Variants in SCUBE3 observed in about 807,000 individuals in gnomAD.
SCUBE3 encodes signal peptide, CUB and EGF-like domain-containing protein 3.
A neutral mutation model predicts 116.8 loss-of-function variants in SCUBE3; 33 were observed. The observed-to-expected ratio is 0.28, with a 90% confidence interval of 0.21 to 0.38. The LOEUF (loss-of-function observed/expected upper bound fraction) is 0.38, where lower values mean the gene tolerates loss of function less well. SCUBE3 is among the 10% of genes least tolerant of loss of function. The pLI is 1.00. For synonymous variants in SCUBE3, 418 were observed against 496.9 expected (o/e 0.84, Z 2.11); for missense variants, 1,007 against 1,324.8 (o/e 0.76, Z 3.72).
In SCUBE3 at chr6:35,248,567, C is replaced by T; in HGVS notation, c.2844C>T (p.Leu948=). The T allele has an allele frequency of 1.2e-6, 2 of 1,614,066 alleles. No homozygotes were observed. Among genetic ancestry groups the T allele is most frequent in the Non-Finnish European group, 1.7e-6 (2 of 1,179,980 alleles). ...NHQEILKDKK[L]IKAFFEVLAH... is the part of the protein sequence containing the mutation. ...GCCATCCTTTGCAGGACAAGAAGCT[C>T]ATCAAGGCCTTCTTTGAGGTGCTAG... The change falls in exon 22 of 22, where the codon CTC becomes CTT. Residue 948 remains leucine (L), a synonymous_variant. Coordinates refer to ENST00000274938, the MANE Select transcript of SCUBE3 (RefSeq NM_152753.4).
At position 35,242,247 on chromosome 6, in the gene SCUBE3, C is replaced by A. The variant is rs924462301; in HGVS notation, c.1461C>A (p.Ile487=). ...LSIKQRASFK[I]KDAKCRLHLR... is the part of the protein sequence containing the mutation. Reference sequence around the variant, plus strand: ...TTAAACAACGGGCCTCCTTCAAGATCAAGGATGCCAAATGCCGTTTGCACC... The same window carrying A: ...TTAAACAACGGGCCTCCTTCAAGATAAAGGATGCCAAATGCCGTTTGCACC... Residue 487 remains isoleucine, a synonymous_variant, in exon 13 of 22, where the codon ATC becomes ATA. Coordinates refer to ENST00000274938, the MANE Select transcript of SCUBE3 (RefSeq NM_152753.4). 2 of 1,613,974 alleles carry A rather than the reference C, an allele frequency of 1.2e-6. No homozygotes were observed. Among genetic ancestry groups the A allele is most frequent in the Non-Finnish European group, 8.5e-7 (1 of 1,179,842 alleles).
rs898978960 is a variant in SCUBE3 at position 35,240,935 on chromosome 6, G to A, written c.1070-206G>A. ...TAAATTGTAAGAATATTTAACAAGAGATCTACCCTCTTAAGTTTTTAAGTG... is the reference window on the plus strand; with the variant it reads ...TAAATTGTAAGAATATTTAACAAGAAATCTACCCTCTTAAGTTTTTAAGTG... On this transcript the variant is annotated intron_variant, in intron 9 of 21. Transcript: ENST00000274938. This position sits in a 1 kb window ranked among gnomAD's most constrained non-coding sequence, Gnocchi z 4.6. 6.6e-5 allele frequency among the ~76,000 whole-genome samples: 10 copies of A among 152,180 alleles called. No individual in the cohort carries two copies. The highest frequency in any genetic ancestry group is 1.3e-4 in the Non-Finnish European group (9 of 68,032).
rs1365442194 is a variant in SCUBE3 at position 35,245,685 on chromosome 6, A to T, written c.2600-259A>T. Among the ~76,000 whole-genome samples, 2 of 152,154 alleles carry T rather than the reference A, an allele frequency of 1.3e-5. No individual in the cohort carries two copies. Among genetic ancestry groups the T allele is most frequent in the African/African-American group, 4.8e-5 (2 of 41,416 alleles). On this transcript the variant is annotated intron_variant, in intron 19 of 21. Transcript: ENST00000274938. The surrounding 1 kb of genome is among the most constrained non-coding windows in gnomAD (Gnocchi z 4.2). ...GTTACATGTATCACTTTCCTATCCTAGCATTTTTGCCATTCCATTCATTTA... is the reference window on the plus strand; with the variant it reads ...GTTACATGTATCACTTTCCTATCCTTGCATTTTTGCCATTCCATTCATTTA...
intron 2 of SCUBE3, 50 bp downstream of exon 2, chr6:35,227,752 A>C: frequency 6.3e-7 from 1 of 1,599,808 alleles, no homozygotes; most frequent in Non-Finnish European, 8.6e-7. Context: ...AAGAAGGCAA[A>C]CCAGTGCCAC....
In SCUBE3 at chr6:35,232,914, G is replaced by C. The variant is rs779671718; in HGVS notation, c.534G>C (p.Gly178=). 6.8e-6 allele frequency: 11 copies of C among 1,614,058 alleles called. No individual in the cohort carries two copies. The highest frequency in any genetic ancestry group is 1.7e-5 in the Admixed American group (1 of 60,008). The change falls in exon 5 of 22, where the codon GGG becomes GGC. Residue 178 remains glycine, a synonymous_variant. Coordinates refer to ENST00000274938, the MANE Select transcript of SCUBE3 (RefSeq NM_152753.4). This position sits in a 1 kb window ranked among gnomAD's most constrained non-coding sequence, Gnocchi z 4.2. ...CAHICRETPK[G]GIACECRPGF... ...ACATTTGCCGGGAGACACCCAAGGGGGGTATTGCCTGTGAATGCCGTCCTG... is the reference window on the plus strand; with the variant it reads ...ACATTTGCCGGGAGACACCCAAGGGCGGTATTGCCTGTGAATGCCGTCCTG...
In SCUBE3 at chr6:35,233,806, G is replaced by A. The variant is rs547143774; in HGVS notation, c.712+505G>A. On this transcript the variant is annotated intron_variant, in intron 6 of 21. Transcript: ENST00000274938. This position sits in a 1 kb window ranked among gnomAD's most constrained non-coding sequence, Gnocchi z 5.7. ...AACTGACTGACAGATGGGGTTTCCT[G>A]GCTCCAGGTATCTTTTTCCTCTTTA... 1.3e-5 allele frequency among the ~76,000 whole-genome samples: 2 copies of A among 152,226 alleles called. No homozygotes were observed. The highest frequency in any genetic ancestry group is 4.2e-4 in the South Asian group (2 of 4,818).
intron 21 of SCUBE3, among the ~76,000 whole-genome samples, chr6:35,246,507 G>A (rs915688933): frequency 7.2e-5 from 11 of 152,144 alleles, no homozygotes; most frequent in Non-Finnish European, 1.3e-4. Flanking sequence ...AAGCCTATCC[G>A]ACTGCAGCGT....
intron 6 of SCUBE3, among the ~76,000 whole-genome samples, chr6:35,236,488 A>G (rs532168260): frequency 1.3e-4 from 20 of 152,266 alleles, no homozygotes; most frequent in Admixed American, 9.2e-4. Context: ...CCTGAACTCA[A>G]TGTTCCCTAC....
rs1783407385 is a variant in SCUBE3, at chr6:35,228,333, G to T, written c.209-281G>T. 6.6e-6 allele frequency among the ~76,000 whole-genome samples: 1 copy of T among 152,140 alleles called. No individual in the cohort carries two copies. The highest frequency in any genetic ancestry group is 2.4e-5 in the African/African-American group (1 of 41,406). On this transcript the variant is annotated intron_variant, in intron 2 of 21. Coordinates refer to ENST00000274938, the MANE Select transcript of SCUBE3 (RefSeq NM_152753.4). This position sits in a 1 kb window ranked among gnomAD's most constrained non-coding sequence, Gnocchi z 4.9. ...TACATGGGAGAAGATGTTCTTTGAT[G>T]CATTATCTATGATGGTAAAATAAAT...
intron 1 of SCUBE3, chr6:35,222,421 T>G (rs993988157): frequency 6.6e-6 from 1 of 152,162 alleles, no homozygotes; most frequent in Non-Finnish European, 1.5e-5. Flanking sequence ...CTACCTACTT[T>G]AGGAGAGTTT....
chr6:35,214,341 A>G lies in SCUBE3; in HGVS notation c.-78A>G. Reference sequence around the variant, plus strand: ...CGCCCCCTCCCCTCCCCCTCCTGCGAGCTGGGATCCGGCCGGCTTCCGCCC... The same window carrying G: ...CGCCCCCTCCCCTCCCCCTCCTGCGGGCTGGGATCCGGCCGGCTTCCGCCC... On this transcript the variant is annotated 5_prime_UTR_variant, in exon 1 of 22. Transcript: ENST00000274938. This position sits in a 1 kb window ranked among gnomAD's most constrained non-coding sequence, Gnocchi z 6.3. 3 of 870,106 alleles carry G rather than the reference A, an allele frequency of 3.4e-6. No homozygotes were observed. Among genetic ancestry groups the G allele is most frequent in the East Asian group, 3.5e-5 (1 of 28,722 alleles). 53.9% of individuals were successfully genotyped at this position (870,106 alleles called of 1,614,324 possible).
Position 35,218,141 on chromosome 6 carries a change from A to T in SCUBE3, c.85+3638A>T, listed in dbSNP as rs1487933663. 1.8e-5 allele frequency: 18 copies of T among 985,156 alleles called. No homozygotes were observed. In the South Asian group the frequency reaches 7.5e-4, roughly 41 times the overall value. 61.0% of individuals were successfully genotyped at this position (985,156 alleles called of 1,614,324 possible). On this transcript the variant is annotated intron_variant, in intron 1 of 21. Coordinates refer to ENST00000274938, the MANE Select transcript of SCUBE3 (RefSeq NM_152753.4). ...AAACCTTCAGGAATCTGAGAGCATG[A>T]GAACCGGTTTGAGATGTGAGCAGCT...
chr6:35,242,917 A>G (rs1229895709), intron 14 of SCUBE3, 104 bp from the exon 15 acceptor site: 1 of 1,484,084 alleles, frequency 6.7e-7, no homozygotes, highest in Non-Finnish European at 9.4e-7. Context: ...CCTAAAAGCT[A>G]GTCCCTCTTA....
At chr6:35,217,944 G>A (rs1420202609) in intron 1 of SCUBE3, among the ~76,000 whole-genome samples, 1 of 152,146 alleles carries the variant, frequency 6.6e-6, no homozygotes, top group African/African-American at 2.4e-5. Context: ...GGAAAGCCTC[G>A]GGGTGGGAGA....
rs1359367601 is a variant in SCUBE3 at position 35,214,506 on chromosome 6, A to C, written c.85+3A>C. 3 of 1,483,344 alleles carry C rather than the reference A, an allele frequency of 2.0e-6. No individual in the cohort carries two copies. Among genetic ancestry groups the C allele is most frequent in the African/African-American group, 2.9e-5 (2 of 69,390 alleles). The allele number at this position is 1,483,344 out of a possible 1,614,324, so 91.9% of individuals were successfully genotyped here. On this transcript the variant is annotated splice_donor_region_variant and intron_variant, in intron 1 of 21. Coordinates refer to ENST00000274938, the MANE Select transcript of SCUBE3 (RefSeq NM_152753.4). This position sits in a 1 kb window ranked among gnomAD's most constrained non-coding sequence, Gnocchi z 6.3. ...CCAGTACAGCAAAGCCGCGCAAGGT[A>C]AGGAAGGAGGGGCGCGCGGCCTGGG... is the stretch of plus-strand genomic sequence containing the variant.
At position 35,246,107 on chromosome 6, in the gene SCUBE3, G is replaced by A; in HGVS notation, c.2752+11G>A. The A allele has an allele frequency of 1.9e-6, 3 of 1,614,060 alleles. No homozygotes were observed. The highest frequency in any genetic ancestry group is 2.5e-6 in the Non-Finnish European group (3 of 1,179,936). On this transcript the variant is annotated intron_variant, in intron 20 of 21. Coordinates refer to ENST00000274938, the MANE Select transcript of SCUBE3 (RefSeq NM_152753.4). ...ATGTTACCTATGATGGTAAGCCAAG[G>A]AGGTGGGTGAGAAGGGGAGGTATGT... is the stretch of plus-strand genomic sequence containing the variant.
At chr6:35,218,444 AACTC>A (rs1286682537) in intron 1 of SCUBE3, among the ~76,000 whole-genome samples, 1 of 152,286 alleles carries the variant, frequency 6.6e-6, no homozygotes, top group Non-Finnish European at 1.5e-5. Flanking sequence ...TTGCTGCCTG[AACTC>A]ACTCAGTCCT....
Position 35,244,546 on chromosome 6 carries a change from T to C in SCUBE3, c.2240-104T>C. ...GACCCTAGAAAAGAACTTTGATGTATCTGATCTCCTGATTCTCCAGGATGA... is the reference window on the plus strand; with the variant it reads ...GACCCTAGAAAAGAACTTTGATGTACCTGATCTCCTGATTCTCCAGGATGA... On this transcript the variant is annotated intron_variant, in intron 17 of 21. Transcript: ENST00000274938. This position sits in a 1 kb window ranked among gnomAD's most constrained non-coding sequence, Gnocchi z 4.3. 1.1e-6 allele frequency: 1 copy of C among 910,020 alleles called. No individual in the cohort carries two copies. The highest frequency in any genetic ancestry group is 2.4e-5 in the East Asian group (1 of 41,350). 56.4% of individuals were successfully genotyped at this position (910,020 alleles called of 1,614,324 possible).
intron 14 of SCUBE3, 82 bp from the exon 15 acceptor site, chr6:35,242,939 C>G: frequency 1.3e-6 from 2 of 1,520,852 alleles, no homozygotes; most frequent in Non-Finnish European, 1.8e-6. Context: ...CATGCCCCTC[C>G]TAGCTCCCAG....
Sources: allele counts gnomAD v4.1 joint callset (sites outside exome capture counted in the v4.1 genomes callset), GRCh38; gene constraint gnomAD v4.1.1; non-coding constraint Gnocchi (gnomAD v3.1); transcripts MANE v1.5; gene names NCBI Gene and HGNC (gene_info 2026-07-23, HGNC 2026-07-21).